Variants in USP9Y observed in about 807,000 individuals in gnomAD.
The protein encoded by USP9Y is ubiquitin specific peptidase 9 Y-linked, also known as ubiquitin carboxyl-terminal hydrolase 9Y.
A neutral mutation model predicts 53.1 loss-of-function variants in USP9Y; 41 were observed. The observed-to-expected ratio is 0.77, with a 90% CI of 0.60 to 1.00. The LOEUF is 1.00. Ranked by LOEUF, USP9Y falls within the 50% of genes least tolerant of loss-of-function variation. USP9Y has a pLI of 0.00. For missense variants in USP9Y, 567 were observed against 535.8 expected, an observed-to-expected ratio of 1.06 and a Z score of -0.58; for synonymous variants, 220 against 173.7, an observed-to-expected ratio of 1.27 and a Z score of -2.09.
At chrY:12,852,482 TTTG>T (rs2053572175) in intron 42 of USP9Y, among the ~76,000 whole-genome samples, 1 of 33,400 alleles carries the variant, frequency 3.0e-5, no homozygotes, top group African/African-American at 1.2e-4. Flanking sequence ...CTCGGAGTAG[TTTG>T]TTATTACCAA....
intron 3 of USP9Y, among the ~76,000 whole-genome samples, chrY:12,716,230 T>C (rs2053430466): frequency 2.9e-5 from 1 of 34,094 alleles, no homozygotes. Context: ...GGTAGGCAAT[T>C]GTAATACAAT....
At chrY:12,708,833 TTTTA>T (rs2053422024) in intron 2 of USP9Y, 140 bp downstream of exon 2, 2 of 34,293 alleles carry the variant, frequency 5.8e-5, no homozygotes, top group Non-Finnish European at 1.5e-4. Flanking sequence ...ACATTTAGCT[TTTTA>T]TTTCTCTCAT....
At chrY:12,803,979 G>A (rs2053521453) in intron 27 of USP9Y, 1 of 33,723 alleles carries the variant, frequency 3.0e-5, no homozygotes, top group East Asian at 7.8e-4. Context: ...GGCCACTGGT[G>A]GGGAAGAAGT....
At chrY:12,744,706 A>G (rs2053459580) in intron 12 of USP9Y, among the ~76,000 whole-genome samples, 1 of 33,828 alleles carries the variant, frequency 3.0e-5, no homozygotes, top group African/African-American at 1.2e-4. Flanking sequence ...TTCTAAGTGA[A>G]ATGAAACAAT....
rs1444664431 is a variant in USP9Y, at chrY:12,786,312, C to G, written c.3261C>G (p.Ser1087=). The change falls in exon 23 of 46, where the codon TCC becomes TCG. Residue 1087 remains serine, a synonymous_variant. Coordinates refer to ENST00000338981, the MANE Select transcript of USP9Y (RefSeq NM_004654.4). ...CTCTTTTCTTTGGTCCTTCTGCCTC[C>G]CAAGTTCTATACCTAACAGAGGTTG... The part of the protein sequence containing the change: ...LDSLFFGPSA[S]QVLYLTEVVY... 2.5e-6 allele frequency: 1 copy of G among 398,236 alleles called. No homozygotes were observed. The highest frequency in any genetic ancestry group is 3.0e-5 in the South Asian group (1 of 33,739).
intron 6 of USP9Y, among the ~76,000 whole-genome samples, chrY:12,726,343 A>C (rs2053442189): frequency 3.0e-5 from 1 of 33,667 alleles, no homozygotes. Context: ...TGTGGTACCT[A>C]CTTTATTTGT....
At position 12,735,652 on chromosome Y, in the gene USP9Y, A is replaced by G. The variant is rs773632381; in HGVS notation, c.698A>G (p.Asn233Ser). 2 of 396,794 alleles carry G rather than the reference A, an allele frequency of 5.0e-6. No individual in the cohort carries two copies. The highest frequency in any genetic ancestry group is 1.9e-4 in the East Asian group (2 of 10,797). ...VDLINKFGTL[N>S]GFQILHDRFF... ...CTCATCAATAAATTTGGCACATTAAATGGGTTCCAGATTTTGCATGATCGT... is the reference window on the plus strand; with the variant it reads ...CTCATCAATAAATTTGGCACATTAAGTGGGTTCCAGATTTTGCATGATCGT... The change falls in exon 8 of 46, where the codon AAT becomes AGT. Residue 233 changes from asparagine (N) to serine (S), a missense_variant. Coordinates refer to ENST00000338981, the MANE Select transcript of USP9Y (RefSeq NM_004654.4).
chrY:12,837,969 C>A lies in USP9Y; in HGVS notation c.5254C>A (p.Leu1752Ile). Residue 1752 changes from leucine to isoleucine, a missense_variant, in exon 35 of 46, where the codon CTT becomes ATT. By Grantham distance (5) the Leu-to-Ile change is conservative. Transcript: ENST00000338981. Reference protein sequence around the residue: ...LNVDIRNHQNLLDSLEQYIKG... With the variant: ...LNVDIRNHQNILDSLEQYIKG... The stretch of plus-strand genomic sequence containing the variant: ...TGTGGATATTAGAAATCATCAAAAT[C>A]TTCTTGACTCTTTGGAACAGTATAT... 1 of 362,126 alleles carries A rather than the reference C, an allele frequency of 2.8e-6. No homozygotes were observed. The highest frequency in any genetic ancestry group is 3.1e-5 in the South Asian group (1 of 32,001). 90.3% of individuals were successfully genotyped at this position (362,126 alleles called of 400,897 possible).
chrY:12,737,968 T>C, intron 10 of USP9Y, among the ~76,000 whole-genome samples, 189 bp from the exon 11 acceptor site: 1 of 33,990 alleles, frequency 2.9e-5, no homozygotes, highest in Non-Finnish European at 7.3e-5. Context: ...TAAGTTATTT[T>C]AGTGTTTAAT....
At chrY:12,748,815 G>A (rs2148282932) in intron 12 of USP9Y, among the ~76,000 whole-genome samples, 5 of 33,515 alleles carry the variant, frequency 1.5e-4, no homozygotes, top group Non-Finnish European at 3.7e-4. Flanking sequence ...TTACTTGAGG[G>A]TGAGAAAAAC....
chrY:12,740,524 A>T, intron 12 of USP9Y, among the ~76,000 whole-genome samples: 1 of 33,503 alleles, frequency 3.0e-5, no homozygotes, highest in Non-Finnish European at 7.4e-5. Flanking sequence ...GAAGAAAATG[A>T]TGTACAAGAA....
chrY:12,713,891 C>CT (rs1456469800), intron 3 of USP9Y, among the ~76,000 whole-genome samples: 49 of 16,715 alleles, frequency 2.9e-3, no homozygotes, highest in African/African-American at 8.1e-3. Context: ...ATAATTGCTT[C>CT]TTTTTTTTTT....
chrY:12,816,280 C>G lies in USP9Y; in HGVS notation c.4766C>G (p.Ala1589Gly). ...CCTTCTATCAGGAACAGTATTCTTG[C>G]AATTGAAGGCACAGGTAGTGATTTA... ...MIPSIRNSILAIEGTGSDLHD... is the reference protein window; with the variant it reads ...MIPSIRNSILGIEGTGSDLHD... Residue 1589 changes from alanine to glycine, a missense_variant, in exon 32 of 46, where the codon GCA (alanine) becomes GGA (glycine). Coordinates refer to ENST00000338981, the MANE Select transcript of USP9Y (RefSeq NM_004654.4). 5.0e-6 allele frequency: 2 copies of G among 398,523 alleles called. No homozygotes were observed. The highest frequency in any genetic ancestry group is 7.1e-6 in the Non-Finnish European group (2 of 283,422).
At chrY:12,765,144 A>G (rs2053479152) in intron 15 of USP9Y, among the ~76,000 whole-genome samples, 1 of 33,671 alleles carries the variant, frequency 3.0e-5, no homozygotes, top group Non-Finnish European at 7.4e-5. Flanking sequence ...AGTAAGCTAG[A>G]AAAACAAGAT....
intron 27 of USP9Y, among the ~76,000 whole-genome samples, chrY:12,805,854 T>A: frequency 3.0e-5 from 1 of 33,478 alleles, no homozygotes; most frequent in Non-Finnish European, 7.4e-5. Flanking sequence ...GAACCCTGTA[T>A]CCTCTTCCTT....
intron 21 of USP9Y, 31 bp from the exon 22 acceptor site, chrY:12,779,495 A>G (rs2053496632): frequency 2.6e-6 from 1 of 392,049 alleles, no homozygotes. Flanking sequence ...CACAATTTGC[A>G]GGTAAATATT....
At chrY:12,839,017 T>C in intron 35 of USP9Y, among the ~76,000 whole-genome samples, 1 of 33,991 alleles carries the variant, frequency 2.9e-5, no homozygotes, top group East Asian at 7.6e-4. Flanking sequence ...CAGTTGGGAC[T>C]ATTTCTTCTC....
chrY:12,791,947 A>G, intron 26 of USP9Y, among the ~76,000 whole-genome samples: 2 of 32,840 alleles, frequency 6.1e-5, no homozygotes, highest in African/African-American at 2.4e-4. Flanking sequence ...ATTTTTGGTA[A>G]TTGTCTCTTT....
chrY:12,804,528 C>T (rs1038946226), intron 27 of USP9Y, among the ~76,000 whole-genome samples: 1 of 33,605 alleles, frequency 3.0e-5, no homozygotes, highest in African/African-American at 1.2e-4. Flanking sequence ...AAGCATTTCT[C>T]GAAGGGTAAT....
Sources: gnomAD v4.1 joint callset for allele counts (sites outside exome capture counted in the v4.1 genomes callset) on GRCh38, gnomAD v4.1.1 for gene constraint, MANE v1.5 for transcripts, NCBI Gene and HGNC (gene_info 2026-07-23, HGNC 2026-07-21) for gene names.